Variants in MAGT1 observed in about 807,000 individuals in gnomAD.
The protein encoded by MAGT1 is magnesium transporter 1, also known as dolichyl-diphosphooligosaccharide--protein glycosyltransferase subunit MAGT1.
A neutral mutation model predicts 28.4 loss-of-function variants in MAGT1; 4 were observed. The ratio of observed to expected loss-of-function variants is 0.14; its 90% confidence interval spans 0.07 to 0.32. MAGT1 has a LOEUF of 0.32. Ranked by LOEUF, MAGT1 falls within the 10% of genes least tolerant of loss-of-function variation. MAGT1 has a pLI of 1.00. For synonymous variants in MAGT1, 89 were observed against 89.7 expected, an observed-to-expected ratio of 0.99 and a Z score of 0.04; for missense variants, 193 against 264.5, an observed-to-expected ratio of 0.73 and a Z score of 1.88.
At chrX:77,869,699 G>A (rs1389065454) in intron 3 of MAGT1, among the ~76,000 whole-genome samples, 1 of 107,865 alleles carries the variant, frequency 9.3e-6, no homozygotes, top group African/African-American at 3.4e-5. Context: ...CGCAAGAATG[G>A]TCATAATTAA....
intron 7 of MAGT1, among the ~76,000 whole-genome samples, chrX:77,845,621 C>A (rs782089223): frequency 9.5e-4 from 106 of 111,379 alleles, no homozygotes; most frequent in African/African-American, 2.1e-3. Context: ...GAGCTCTTGT[C>A]GGGCAGGCCT....
chrX:77,872,101 G>T (rs1485273602), intron 2 of MAGT1, among the ~76,000 whole-genome samples: 3 of 109,145 alleles, frequency 2.7e-5, no homozygotes, highest in Admixed American at 9.9e-5. Flanking sequence ...GGAGTGCAGT[G>T]GCTCCATCTT....
chrX:77,870,783 T>C (rs1557217268), intron 3 of MAGT1, 25 bp downstream of exon 3: 12 of 995,035 alleles, frequency 1.2e-5, no homozygotes, highest in Non-Finnish European at 1.6e-5. Context: ...TATTTTTATA[T>C]AGCAGAATAA....
chrX:77,878,430 G>A (rs1159891453), intron 1 of MAGT1, among the ~76,000 whole-genome samples: 4 of 92,507 alleles, frequency 4.3e-5, no homozygotes, highest in African/African-American at 8.0e-5. Flanking sequence ...CTGAGATCAC[G>A]CCACTGCATT....
chrX:77,849,498 G>C (rs79637994), intron 7 of MAGT1, among the ~76,000 whole-genome samples: 1 of 111,312 alleles, frequency 9.0e-6, no homozygotes, highest in Non-Finnish European at 1.9e-5. Flanking sequence ...AATGATGATG[G>C]AAAATGCTCT....
chrX:77,895,486 C>A (rs781992933), upstream of MAGT1: 6 of 1,176,242 alleles, frequency 5.1e-6, no homozygotes, highest in South Asian at 1.1e-4. Context: ...ACAGGCAAAT[C>A]GGCCCCTTGC....
intron 6 of MAGT1, among the ~76,000 whole-genome samples, chrX:77,855,049 C>T (rs1274637945): frequency 2.7e-5 from 3 of 111,690 alleles, no homozygotes; most frequent in Non-Finnish European, 3.8e-5. Context: ...CTCATGCCTG[C>T]AGGCCTGTAT....
chrX:77,879,518 C>T (rs1557218206), intron 1 of MAGT1, among the ~76,000 whole-genome samples: 1 of 112,048 alleles, frequency 8.9e-6, no homozygotes. Flanking sequence ...GTTCATCATT[C>T]AGAACCATTT....
intron 8 of MAGT1, among the ~76,000 whole-genome samples, chrX:77,834,216 G>GTA (rs781969559): frequency 2.1e-5 from 2 of 93,843 alleles, no homozygotes; most frequent in East Asian, 6.5e-4. Context: ...ATACATGTGT[G>GTA]TATATATATG....
chrX:77,889,265 GC>G (rs1247311892), intron 1 of MAGT1, among the ~76,000 whole-genome samples: 1 of 104,903 alleles, frequency 9.5e-6, no homozygotes, highest in African/African-American at 3.5e-5. Flanking sequence ...ACAGGTGTGA[GC>G]CACCACGCCT....
chrX:77,856,911 A>AT (rs782694137), intron 4 of MAGT1, 38 bp from the exon 5 acceptor site: 6 of 1,115,679 alleles, frequency 5.4e-6, no homozygotes, highest in Middle Eastern at 2.5e-4. Context: ...AAAGTATAAA[A>AT]TTTTTTTACT....
chrX:77,827,050 C>T lies in MAGT1; in HGVS notation c.*2170G>A, dbSNP rs1185846765. ...TAGAAGGTAAATGGCAGGTGGCAGT[C>T]ATAGTATCTTTTTAATGTAATACTT... On this transcript the variant is annotated 3_prime_UTR_variant, in exon 10 of 10. Coordinates refer to ENST00000618282, the MANE Select transcript of MAGT1 (RefSeq NM_001367916.1). The T allele has an allele frequency of 8.9e-6, 1 of 112,209 alleles. No homozygotes were observed. The highest frequency in any genetic ancestry group is 1.9e-5 in the Non-Finnish European group (1 of 53,262). 9.2% of individuals were successfully genotyped at this position (112,209 alleles called of 1,213,427 possible). A position where few individuals can be genotyped will look rare whatever the true frequency, so the allele number is the denominator to read the frequency against.
rs782737520 is a variant in MAGT1, at chrX:77,895,373, G to C, written c.38C>G (p.Thr13Ser). The change falls in exon 1 of 10, where the codon ACC becomes AGC. Residue 13 changes from threonine (T) to serine (S), a missense_variant. Transcript: ENST00000618282. The part of the protein sequence containing the change: ...ARWRFWCVSV[T>S]MVVALLIVCD... ...AACGATGAGCAGCGCCACCACCATG[G>C]TCACAGAGACACACCAAAACCGCCA... 1.1e-5 allele frequency: 13 copies of C among 1,212,152 alleles called. No homozygotes were observed. The South Asian group carries it at 2.1e-4, about 20-fold the overall frequency.
intron 1 of MAGT1, among the ~76,000 whole-genome samples, chrX:77,891,510 C>A (rs782673909): frequency 2.2e-4 from 24 of 111,426 alleles, no homozygotes; most frequent in African/African-American, 5.9e-4. Flanking sequence ...CTGGCCAGTC[C>A]CCTCATCTTT....
chrX:77,845,106 C>T (rs1333298549), intron 7 of MAGT1, among the ~76,000 whole-genome samples: 7 of 111,035 alleles, frequency 6.3e-5, no homozygotes, highest in South Asian at 3.8e-4. Context: ...TCTAAGGACT[C>T]GCTTTATGAA....
chrX:77,864,939 T>C (rs1436218086), intron 3 of MAGT1, among the ~76,000 whole-genome samples: 1 of 112,129 alleles, frequency 8.9e-6, no homozygotes, highest in Non-Finnish European at 1.9e-5. Flanking sequence ...GTCGAACTCC[T>C]GACCTGAAGT....
chrX:77,877,415 T>C (rs2077038439), intron 1 of MAGT1, among the ~76,000 whole-genome samples: 1 of 110,352 alleles, frequency 9.1e-6, no homozygotes, highest in Non-Finnish European at 1.9e-5. Context: ...TGCTTGAGAC[T>C]GGGAGGCAGA....
chrX:77,851,101 G>C (rs1394500698), intron 7 of MAGT1, among the ~76,000 whole-genome samples: 1 of 109,294 alleles, frequency 9.1e-6, no homozygotes, highest in Non-Finnish European at 1.9e-5. Context: ...CTCCTGAGTA[G>C]TTGGAATTAT....
Position 77,838,456 on chromosome X carries a change from T to TA in MAGT1, c.901+2789dup, listed in dbSNP as rs781869286. Among the ~76,000 whole-genome samples the TA allele has an allele frequency of 2.4e-3, 217 of 91,842 alleles. No individual in the cohort carries two copies. In the Middle Eastern group the frequency reaches 0.024, roughly 10 times the overall value. The allele number at this position is 91,842 out of a possible 115,157, so 79.8% of individuals were successfully genotyped here. On this transcript the variant is annotated intron_variant, in intron 8 of 9. Transcript: ENST00000618282. ...TGGGCAACAGAGTAAGGCCTGGCCT[T>TA]AAAAAAAAAAAAAAAATGTCCAGCT...
Sources: gnomAD v4.1 joint callset for allele counts (sites outside exome capture counted in the v4.1 genomes callset) on GRCh38, gnomAD v4.1.1 for gene constraint, MANE v1.5 for transcripts, NCBI Gene and HGNC (gene_info 2026-07-23, HGNC 2026-07-21) for gene names.